The following RMDN3 variants were observed in gnomAD, a reference collection of about 807,000 sequenced individuals.
RMDN3 encodes regulator of microtubule dynamics protein 3.
A neutral mutation model predicts 61.8 loss-of-function variants in RMDN3; 41 were observed. That is an observed-to-expected ratio of 0.66 (90% CI 0.52 to 0.86). The LOEUF (loss-of-function observed/expected upper bound fraction) is 0.86, where lower values mean the gene tolerates loss of function less well. Among genes scored for constraint, RMDN3 ranks in the 40% least tolerant of loss-of-function variants. The pLI is 0.00. For missense variants in RMDN3, 557 were observed against 585.3 expected (o/e 0.95, Z 0.50); for synonymous variants, 247 against 232.0 (o/e 1.06, Z -0.59).
intron 4 of RMDN3, among the ~76,000 whole-genome samples, chr15:40,748,808 C>T (rs1390392143): frequency 1.3e-5 from 2 of 151,982 alleles, no homozygotes; most frequent in Non-Finnish European, 2.9e-5. Flanking sequence ...CCATGTTGGC[C>T]GGGCTGGTCT....
intron 4 of RMDN3, among the ~76,000 whole-genome samples, chr15:40,745,460 T>A (rs1276655044): frequency 6.7e-6 from 1 of 148,262 alleles, no homozygotes; most frequent in Non-Finnish European, 1.5e-5. Flanking sequence ...TCACCCAGAC[T>A]GGAGTGCAGT....
chr15:40,750,403 A>G (rs1191827107), intron 4 of RMDN3, among the ~76,000 whole-genome samples: 3 of 151,582 alleles, frequency 2.0e-5, no homozygotes, highest in Non-Finnish European at 1.5e-5. Context: ...TATTTTTAGT[A>G]GAGACAGGGT....
intron 12 of RMDN3, 53 bp from the exon 13 acceptor site, chr15:40,736,647 CA>C (rs748708581): frequency 3.8e-4 from 588 of 1,531,618 alleles, no homozygotes; most frequent in Middle Eastern, 6.7e-4. Flanking sequence ...AGCATTTTCC[CA>C]AACCAGTGGA....
intron 4 of RMDN3, among the ~76,000 whole-genome samples, 161 bp from the exon 5 acceptor site, chr15:40,745,420 T>TC (rs1897492604): frequency 1.3e-5 from 2 of 150,608 alleles, no homozygotes; most frequent in African/African-American, 4.9e-5. Context: ...TTCTTTTTTT[T>TC]TTTTTTTTTT....
chr15:40,738,903 T>C, intron 7 of RMDN3: 1 of 283,666 alleles, frequency 3.5e-6, no homozygotes, highest in South Asian at 6.3e-5. Context: ...AATAAAAACT[T>C]GAAAAGCATG....
intron 6 of RMDN3, among the ~76,000 whole-genome samples, chr15:40,740,973 C>T (rs1426527025): frequency 6.6e-6 from 1 of 150,616 alleles, no homozygotes; most frequent in Admixed American, 6.6e-5. Context: ...AGTCCCAGCT[C>T]CCCAGGAGGC....
chr15:40,744,123 C>T lies in RMDN3; in HGVS notation c.834G>A (p.Trp278Ter), dbSNP rs757361415. ...LVYGSRQDFL[W>*]RLARAYSDMC... ...TGTCACTGTAGGCTCGGGCCAGGCGCCAGAGAAAGTCCTGCCGGCTTCCAT... is the reference window on the plus strand; with the variant it reads ...TGTCACTGTAGGCTCGGGCCAGGCGTCAGAGAAAGTCCTGCCGGCTTCCAT... Residue 278 changes from tryptophan (W) to a stop codon, truncating the protein, a stop_gained, in exon 6 of 13, where the codon TGG becomes TGA. Coordinates refer to ENST00000338376, the MANE Select transcript of RMDN3 (RefSeq NM_018145.3). LOFTEE classifies it high-confidence loss of function. 1 of 1,613,594 alleles carries T rather than the reference C, an allele frequency of 6.2e-7. No homozygotes were observed. The highest frequency in any genetic ancestry group is 8.5e-7 in the Non-Finnish European group (1 of 1,180,036).
chr15:40,744,371 G>A lies in RMDN3; in HGVS notation c.808-222C>T, dbSNP rs573740761. On this transcript the variant is annotated intron_variant, in intron 5 of 12. Transcript: ENST00000338376. ...TCTAGCCAGTAGCTTGCACAATTAC[G>A]GGGTGAGGGCATTCTGACCTCCTAG... is the stretch of plus-strand genomic sequence containing the variant. 1.0e-3 allele frequency: 504 copies of A among 506,468 alleles called. 1 individual carries two copies. Among genetic ancestry groups the A allele is most frequent in the Non-Finnish European group, 1.4e-3 (390 of 279,008 alleles). 31.4% of individuals were successfully genotyped at this position (506,468 alleles called of 1,614,324 possible).
At chr15:40,749,964 C>T (rs573085924) in intron 4 of RMDN3, among the ~76,000 whole-genome samples, 16 of 152,296 alleles carry the variant, frequency 1.1e-4, no homozygotes, top group Non-Finnish European at 2.4e-4. Flanking sequence ...CTCATCAAAT[C>T]CAGCGTTGGT....
intron 6 of RMDN3, among the ~76,000 whole-genome samples, chr15:40,741,619 G>GTTTTTTTTTTTTTTTTTTTTTT (rs1333820266): frequency 1.6e-5 from 1 of 60,990 alleles, no homozygotes; most frequent in Non-Finnish European, 3.4e-5. Context: ...TGCAACATAG[G>GTTTTTTTTTTTTTTTTTTTTTT]ATTTTTTTTT....
At chr15:40,737,257 G>A (rs1326840488) in intron 11 of RMDN3, 31 bp downstream of exon 11, 1 of 1,612,246 alleles carries the variant, frequency 6.2e-7, no homozygotes, top group Non-Finnish European at 8.5e-7. Flanking sequence ...GGAGTTCCCA[G>A]ATCTATGTTG....
intron 3 of RMDN3, 196 bp downstream of exon 3, chr15:40,751,790 A>T: frequency 1.2e-6 from 1 of 827,226 alleles, no homozygotes; most frequent in Non-Finnish European, 1.9e-6. Flanking sequence ...CTGCTACAAC[A>T]GATCAACCAT....
At chr15:40,746,309 A>G (rs1421535239) in intron 4 of RMDN3, among the ~76,000 whole-genome samples, 2 of 152,040 alleles carry the variant, frequency 1.3e-5, no homozygotes, top group Non-Finnish European at 1.5e-5. Flanking sequence ...AGGTCAGGAG[A>G]TCAAGACCAT....
intron 12 of RMDN3, among the ~76,000 whole-genome samples, 175 bp from the exon 13 acceptor site, chr15:40,736,769 ACT>A (rs905816471): frequency 6.6e-6 from 1 of 151,788 alleles, no homozygotes; most frequent in African/African-American, 2.4e-5. Context: ...CTAGAGGTAG[ACT>A]CTTTTTTACT....
Position 40,740,171 on chromosome 15 carries a change from A to G in RMDN3, c.933T>C (p.Ala311=). 1 of 1,612,192 alleles carries G rather than the reference A, an allele frequency of 6.2e-7. No individual in the cohort carries two copies. The highest frequency in any genetic ancestry group is 8.5e-7 in the Non-Finnish European group (1 of 1,178,658). The part of the protein sequence containing the change: ...ALDGKEEAEA[A]LEKGDESADC... ...CAGCACTCTCATCCCCCTTCTCCAG[A>G]GCAGCCTCTGCTTCTTCTTTTCCTG... The change falls in exon 7 of 13, where the codon GCT becomes GCC. Residue 311 remains alanine, a synonymous_variant. Transcript: ENST00000338376.
intron 1 of RMDN3, 52 bp from the exon 2 acceptor site, chr15:40,754,842 G>C: frequency 7.3e-7 from 1 of 1,363,304 alleles, no homozygotes; most frequent in Admixed American, 2.2e-5. Flanking sequence ...GCGGGCGGGG[G>C]TAAGGAGAGA....
In RMDN3 at chr15:40,736,063, G is replaced by A. The variant is rs1303428243; in HGVS notation, c.*478C>T. ...AATACAGGTAGAATTCACATGATAG[G>A]TGATAAGAAAGCAATGTCTGTGGGC... is the stretch of plus-strand genomic sequence containing the variant. On this transcript the variant is annotated 3_prime_UTR_variant, in exon 13 of 13. Coordinates refer to ENST00000338376, the MANE Select transcript of RMDN3 (RefSeq NM_018145.3). The A allele has an allele frequency of 6.5e-6, 1 of 153,340 alleles. No individual in the cohort carries two copies. Among genetic ancestry groups the A allele is most frequent in the African/African-American group, 2.4e-5 (1 of 41,478 alleles). 9.5% of individuals were successfully genotyped at this position (153,340 alleles called of 1,614,324 possible). A position where few individuals can be genotyped will look rare whatever the true frequency, so the allele number is the denominator to read the frequency against.
At chr15:40,737,533 C>A in intron 10 of RMDN3, 95 bp downstream of exon 10, 1 of 1,253,720 alleles carries the variant, frequency 8.0e-7, no homozygotes, top group Admixed American at 1.9e-5. Flanking sequence ...TTGCCCCCGA[C>A]TAGGAAAACC....
intron 4 of RMDN3, 69 bp downstream of exon 4, chr15:40,751,357 C>T (rs2141924837): frequency 6.4e-7 from 1 of 1,560,468 alleles, no homozygotes; most frequent in Non-Finnish European, 8.7e-7. Flanking sequence ...TTTGAATTTT[C>T]CATTGATAAT....
Sources: allele counts gnomAD v4.1 joint callset (sites outside exome capture counted in the v4.1 genomes callset), GRCh38; gene constraint gnomAD v4.1.1; transcripts MANE v1.5; gene names NCBI Gene and HGNC (gene_info 2026-07-23, HGNC 2026-07-21).